The following TTC28 variants were observed in gnomAD, a reference collection of about 807,000 sequenced individuals.
TTC28 encodes the protein tetratricopeptide repeat protein 28.
In TTC28, 61 loss-of-function variants were observed where a neutral mutation model predicts 198.0. That is an observed-to-expected ratio of 0.31 (90% confidence interval 0.25 to 0.38). The LOEUF (loss-of-function observed/expected upper bound fraction) is 0.38, where lower values mean the gene tolerates loss of function less well. Ranked by LOEUF, TTC28 falls within the 10% of genes least tolerant of loss-of-function variation. The pLI is 1.00. For missense variants in TTC28, 2,678 were observed against 3,164.0 expected (o/e 0.85, Z 3.69); for synonymous variants, 1,171 against 1,297.8 (o/e 0.90, Z 2.10).
At chr22:28,353,580 CA>C (rs2046031990) in intron 2 of TTC28, among the ~76,000 whole-genome samples, 1 of 151,738 alleles carries the variant, frequency 6.6e-6, no homozygotes, top group Admixed American at 6.6e-5. Flanking sequence ...AACAAGCGTA[CA>C]AAAGACCATT....
chr22:28,152,818 G>C (rs904799596), intron 6 of TTC28, among the ~76,000 whole-genome samples: 1 of 151,948 alleles, frequency 6.6e-6, no homozygotes, highest in African/African-American at 2.4e-5. Context: ...AATATCATCA[G>C]GTTTCCATAG....
chr22:28,030,440 T>C (rs139657648), intron 12 of TTC28, 74 bp from the exon 13 acceptor site: 322 of 1,520,832 alleles, frequency 2.1e-4, no homozygotes, highest in Non-Finnish European at 2.7e-4. Context: ...TCTGAGGTCC[T>C]ATGCCATTCT....
At chr22:28,043,315 ATCCT>A (rs1939739192) in intron 12 of TTC28, among the ~76,000 whole-genome samples, 1 of 150,486 alleles carries the variant, frequency 6.6e-6, no homozygotes, top group Non-Finnish European at 1.5e-5. Flanking sequence ...TATGGTGACC[ATCCT>A]TCCTGCACTG....
intron 12 of TTC28, among the ~76,000 whole-genome samples, chr22:28,030,684 T>C (rs1939039504): frequency 1.3e-5 from 2 of 152,234 alleles, no homozygotes; most frequent in Non-Finnish European, 2.9e-5. Flanking sequence ...TATGACAGAC[T>C]AGATGAGGTG....
intron 2 of TTC28, among the ~76,000 whole-genome samples, chr22:28,488,119 G>A (rs1451003963): frequency 2.0e-5 from 3 of 152,036 alleles, no homozygotes; most frequent in Non-Finnish European, 4.4e-5. Context: ...CCAGCTTAGG[G>A]GGAGTTATGA....
chr22:28,427,884 A>C (rs138127761), intron 2 of TTC28, among the ~76,000 whole-genome samples: 1 of 152,110 alleles, frequency 6.6e-6, no homozygotes, highest in Non-Finnish European at 1.5e-5. Context: ...TTTTAATTGT[A>C]GGACTTCTCA....
At chr22:28,407,606 C>T (rs962702462) in intron 2 of TTC28, among the ~76,000 whole-genome samples, 5 of 152,164 alleles carry the variant, frequency 3.3e-5, no homozygotes, top group African/African-American at 7.2e-5. Flanking sequence ...AATTGCTTCA[C>T]TGCCTGATTA....
At chr22:28,478,046 T>G (rs2048188639) in intron 2 of TTC28, among the ~76,000 whole-genome samples, 1 of 152,196 alleles carries the variant, frequency 6.6e-6, no homozygotes, top group Non-Finnish European at 1.5e-5. Flanking sequence ...TGATTATTCT[T>G]GTATACCTCT....
At chr22:28,264,394 T>C (rs1300707941) in intron 5 of TTC28, among the ~76,000 whole-genome samples, 1 of 152,128 alleles carries the variant, frequency 6.6e-6, no homozygotes, top group Non-Finnish European at 1.5e-5. Flanking sequence ...TCTCGAGTAT[T>C]TCTTCATAGC....
intron 2 of TTC28, among the ~76,000 whole-genome samples, chr22:28,544,763 T>C (rs1451973745): frequency 2.0e-5 from 3 of 152,182 alleles, no homozygotes; most frequent in African/African-American, 7.2e-5. Flanking sequence ...TTATCATGCA[T>C]TAGCTACTAA....
chr22:28,030,426 C>G, intron 12 of TTC28, 60 bp from the exon 13 acceptor site: 1 of 1,541,052 alleles, frequency 6.5e-7, no homozygotes, highest in Non-Finnish European at 8.8e-7. Flanking sequence ...CTATGGAAGT[C>G]AGCTCTGAGG....
chr22:28,097,464 G>A (rs1942011883), intron 10 of TTC28, among the ~76,000 whole-genome samples: 1 of 152,142 alleles, frequency 6.6e-6, no homozygotes, highest in Non-Finnish European at 1.5e-5. Flanking sequence ...CTTTAAAATT[G>A]CTTCTCTATC....
intron 5 of TTC28, among the ~76,000 whole-genome samples, chr22:28,223,247 A>G (rs1393261249): frequency 6.6e-6 from 1 of 152,196 alleles, no homozygotes; most frequent in Non-Finnish European, 1.5e-5. Flanking sequence ...CAATGTGCTT[A>G]CTGCAATAGG....
At chr22:27,990,887 T>C (rs1601487844) in intron 19 of TTC28, 75 bp from the exon 20 acceptor site, 6 of 1,440,554 alleles carry the variant, frequency 4.2e-6, no homozygotes, top group East Asian at 2.5e-5. Context: ...CAGGCTGTTA[T>C]GCAACATGAG....
intron 2 of TTC28, among the ~76,000 whole-genome samples, chr22:28,413,715 A>G (rs2047124579): frequency 6.6e-6 from 1 of 151,040 alleles, no homozygotes; most frequent in Non-Finnish European, 1.5e-5. Flanking sequence ...AAACAAATCT[A>G]TGTTTTCAGT....
At chr22:27,998,471 T>A in intron 16 of TTC28, 69 bp downstream of exon 16, 3 of 1,482,014 alleles carry the variant, frequency 2.0e-6, no homozygotes, top group Non-Finnish European at 2.7e-6. Flanking sequence ...ACTGGCAGAA[T>A]AAAGTCGGGG....
At chr22:28,634,094 T>C (rs2051225491) in intron 1 of TTC28, among the ~76,000 whole-genome samples, 1 of 152,124 alleles carries the variant, frequency 6.6e-6, no homozygotes, top group Non-Finnish European at 1.5e-5. Flanking sequence ...CAAAACACCA[T>C]CAAATGTTCA....
intron 2 of TTC28, among the ~76,000 whole-genome samples, chr22:28,394,262 A>G (rs1006375041): frequency 6.6e-6 from 1 of 152,190 alleles, no homozygotes; most frequent in Non-Finnish European, 1.5e-5. Flanking sequence ...TTAGTATACA[A>G]TTTTGTAGAA....
intron 1 of TTC28, among the ~76,000 whole-genome samples, chr22:28,637,450 C>T (rs1188893445): frequency 6.6e-6 from 1 of 152,092 alleles, no homozygotes; most frequent in Non-Finnish European, 1.5e-5. Flanking sequence ...CATTGTGTAT[C>T]AGCTTAAAAT....
Sources: allele counts gnomAD v4.1 joint callset (sites outside exome capture counted in the v4.1 genomes callset), GRCh38; gene constraint gnomAD v4.1.1; transcripts MANE v1.5; gene names NCBI Gene and HGNC (gene_info 2026-07-23, HGNC 2026-07-21).